PAPOLA: variants seen among roughly 807,000 people sequenced by gnomAD.
PAPOLA encodes polynucleotide adenylyltransferase alpha.
A neutral mutation model predicts 100.6 loss-of-function variants in PAPOLA; 15 were observed. That is an observed-to-expected ratio of 0.15 (90% CI 0.10 to 0.23). The LOEUF (loss-of-function observed/expected upper bound fraction) is 0.23. Ranked by LOEUF, PAPOLA falls within the 10% of genes least tolerant of loss-of-function variation. The probability of loss-of-function intolerance (pLI) is 1.00; values close to 1 mark genes in which losing one functional copy is unlikely to be tolerated. For synonymous variants in PAPOLA, 293 were observed against 300.0 expected, an observed-to-expected ratio of 0.98 and a Z score of 0.24; for missense variants, 533 against 884.2, an observed-to-expected ratio of 0.60 and a Z score of 5.04.
At chr14:96,504,178 T>C (rs1480416723) in intron 1 of PAPOLA, 1 of 152,216 alleles carries the variant, frequency 6.6e-6, no homozygotes, top group Admixed American at 6.5e-5. Context: ...TTTGCTGTCT[T>C]TGAAAAGGGA....
At position 96,542,570 on chromosome 14, in the gene PAPOLA, G is replaced by T. The variant is rs74086716; in HGVS notation, c.1170-204G>T. The stretch of plus-strand genomic sequence containing the variant: ...TTGTTTTTCTTAAAATTTTTGTGTG[G>T]ATAACTTTTGTAACCTTGCTGGTGT... On this transcript the variant is annotated intron_variant, in intron 13 of 21. Coordinates refer to ENST00000216277, the MANE Select transcript of PAPOLA (RefSeq NM_032632.5). 5.4e-6 allele frequency: 3 copies of T among 559,692 alleles called. No homozygotes were observed. In the African/African-American group the frequency reaches 5.9e-5, roughly 11 times the overall value. 34.7% of individuals were successfully genotyped at this position (559,692 alleles called of 1,614,324 possible). A position where few individuals can be genotyped will look rare whatever the true frequency, so the allele number is the denominator to read the frequency against.
In PAPOLA at chr14:96,502,558, G is replaced by C. The variant is rs1490927097; in HGVS notation, c.-35G>C. The C allele has an allele frequency of 6.5e-7, 1 of 1,535,014 alleles. No homozygotes were observed. On this transcript the variant is annotated 5_prime_UTR_variant, in exon 1 of 22. Transcript: ENST00000216277. ...GGGCGGCAGCGGCGGCGGTTGCGGGGGGGAAGTGACTGGGCGGTGCCGGCG... is the reference window on the plus strand; with the variant it reads ...GGGCGGCAGCGGCGGCGGTTGCGGGCGGGAAGTGACTGGGCGGTGCCGGCG...
In PAPOLA at chr14:96,502,504, C is replaced by G. The variant is rs748441210; in HGVS notation, c.-89C>G. ...ACCCAGGGCTGAGGCAGGCCCCCCC[C>G]TCCCTCCCGCCTCAGTGGATCATGC... On this transcript the variant is annotated 5_prime_UTR_variant, in exon 1 of 22. Coordinates refer to ENST00000216277, the MANE Select transcript of PAPOLA (RefSeq NM_032632.5). The G allele has an allele frequency of 1.6e-5, 17 of 1,062,614 alleles. No homozygotes were observed. Among genetic ancestry groups the G allele is most frequent in the African/African-American group, 1.3e-4 (8 of 62,024 alleles). 65.8% of individuals were successfully genotyped at this position (1,062,614 alleles called of 1,614,324 possible).
intron 6 of PAPOLA, among the ~76,000 whole-genome samples, chr14:96,528,497 G>A (rs147583133): frequency 1.2e-4 from 19 of 152,284 alleles, no homozygotes; most frequent in African/African-American, 4.1e-4. Context: ...TGAGAATAAA[G>A]TTGACAGTGA....
In PAPOLA at chr14:96,502,453, C is replaced by A; in HGVS notation, c.-140C>A. On this transcript the variant is annotated 5_prime_UTR_variant, in exon 1 of 22. Transcript: ENST00000216277. ...GAAGGAGGAGAAGCGCTTAAAGCGG[C>A]GGGAGCGGTGCGGGAGAGGGGTTGG... The A allele has an allele frequency of 1.4e-6, 1 of 711,760 alleles. No individual in the cohort carries two copies. Among genetic ancestry groups the A allele is most frequent in the Non-Finnish European group, 2.5e-6 (1 of 399,096 alleles). The allele number at this position is 711,760 out of a possible 1,614,324, so 44.1% of individuals were successfully genotyped here.
chr14:96,537,975 C>T (rs1047382507), intron 12 of PAPOLA: 2 of 151,856 alleles, frequency 1.3e-5, no homozygotes, highest in African/African-American at 4.8e-5. Flanking sequence ...ATTGTGTTCT[C>T]GAAGCACTAC....
chr14:96,547,892 A>T lies in PAPOLA; in HGVS notation c.1495A>T (p.Asn499Tyr), dbSNP rs755302250. The stretch of plus-strand genomic sequence containing the variant: ...AAAGCAACTCCATCAACTACTACCT[A>T]ATCATGTGCTTCAGAAAAAGAAAAA... ...KRKQLHQLLP[N>Y]HVLQKKKKHS... The change falls in exon 16 of 22, where the codon AAT (asparagine) becomes TAT (tyrosine). Residue 499 changes from asparagine (N) to tyrosine (Y), a missense_variant. Physicochemically the swap from Asn to Tyr is moderately radical, Grantham distance 143. This residue lies in a region of PAPOLA where 18 missense variants were observed against 74.9 expected (regional missense o/e 0.24). Coordinates refer to ENST00000216277, the MANE Select transcript of PAPOLA (RefSeq NM_032632.5). 1 of 1,601,332 alleles carries T rather than the reference A, an allele frequency of 6.2e-7. No individual in the cohort carries two copies. The highest frequency in any genetic ancestry group is 1.3e-5 in the African/African-American group (1 of 74,110).
chr14:96,503,991 C>G (rs757800719), intron 1 of PAPOLA, among the ~76,000 whole-genome samples: 5 of 152,164 alleles, frequency 3.3e-5, no homozygotes, highest in Non-Finnish European at 7.3e-5. Context: ...ACTTAACTAA[C>G]TATACAGGTC....
intron 15 of PAPOLA, among the ~76,000 whole-genome samples, chr14:96,545,255 T>C (rs538805237): frequency 6.6e-6 from 1 of 152,024 alleles, no homozygotes; most frequent in Non-Finnish European, 1.5e-5. Flanking sequence ...AACTGTGATA[T>C]AAAGGAGAAA....
intron 9 of PAPOLA, 71 bp downstream of exon 9, chr14:96,532,720 T>C (rs1175081272): frequency 6.8e-7 from 1 of 1,465,018 alleles, no homozygotes; most frequent in Non-Finnish European, 9.0e-7. Context: ...TCTATGACAT[T>C]TCTCAGCTTG....
intron 1 of PAPOLA, among the ~76,000 whole-genome samples, chr14:96,518,640 G>A (rs1044057277): frequency 2.6e-5 from 4 of 151,886 alleles, no homozygotes; most frequent in Non-Finnish European, 4.4e-5. Flanking sequence ...CTCGTGATCC[G>A]CCCACCTCGG....
At chr14:96,541,754 G>GT (rs1439317246) in intron 12 of PAPOLA, among the ~76,000 whole-genome samples, 11 of 151,890 alleles carry the variant, frequency 7.2e-5, no homozygotes, top group African/African-American at 2.4e-4. Flanking sequence ...GCAGTATTCA[G>GT]TTTAATTTTC....
Position 96,510,476 on chromosome 14 carries a change from C to T in PAPOLA, c.8+7876C>T, listed in dbSNP as rs578165015. ...ATATGAGAGAGAGGGACACAACACACACGCGCGCGTGCGCTTGTGCGCAAA... is the reference window on the plus strand; with the variant it reads ...ATATGAGAGAGAGGGACACAACACATACGCGCGCGTGCGCTTGTGCGCAAA... On this transcript the variant is annotated intron_variant, in intron 1 of 21. Transcript: ENST00000216277. Among the ~76,000 whole-genome samples, 19 of 150,392 alleles carry T rather than the reference C, an allele frequency of 1.3e-4. No individual in the cohort carries two copies. The South Asian group carries it at 3.8e-3, about 30-fold the overall frequency.
intron 1 of PAPOLA, among the ~76,000 whole-genome samples, chr14:96,505,490 CAGT>C (rs1453608473): frequency 2.0e-5 from 3 of 152,164 alleles, no homozygotes; most frequent in Non-Finnish European, 4.4e-5. Context: ...TAACCAGTAT[CAGT>C]AGCATTTATG....
chr14:96,562,909 A>C lies in PAPOLA; in HGVS notation c.2142+16A>C, dbSNP rs757163024. 6.5e-7 allele frequency: 1 copy of C among 1,539,482 alleles called. No homozygotes were observed. On this transcript the variant is annotated intron_variant, in intron 21 of 21. Transcript: ENST00000216277. The stretch of plus-strand genomic sequence containing the variant: ...GGCCTCTCAGGTACTAAGTGCAAAA[A>C]GCAAGGAGAATTTTGTAAATGTCCT...
In PAPOLA at chr14:96,560,630, C is replaced by CTTT; in HGVS notation, c.2005-11_2005-9dup. 1.4e-6 allele frequency: 2 copies of CTTT among 1,428,936 alleles called. No individual in the cohort carries two copies. Among genetic ancestry groups the CTTT allele is most frequent in the Non-Finnish European group, 1.9e-6 (2 of 1,039,474 alleles). 88.5% of individuals were successfully genotyped at this position (1,428,936 alleles called of 1,614,324 possible). ...AAATTTTTCATTTTAGAGAATAAAG[C>CTTT]TTTTTTTTTTAAAAACAGGATGAAA... On this transcript the variant is annotated intron_variant, in intron 19 of 21. Transcript: ENST00000216277.
chr14:96,565,304 A>G lies in PAPOLA; in HGVS notation c.*254A>G, dbSNP rs1302108230. ...AAAATTACTGCCTTTAAAAAAAACA[A>G]CCTCAAGCTATATTTGTATTCATAA... On this transcript the variant is annotated 3_prime_UTR_variant, in exon 22 of 22. Transcript: ENST00000216277. The G allele has an allele frequency of 2.6e-5, 10 of 387,736 alleles. No homozygotes were observed. The highest frequency in any genetic ancestry group is 4.2e-5 in the Non-Finnish European group (9 of 213,806). 24.0% of individuals were successfully genotyped at this position (387,736 alleles called of 1,614,324 possible).
At position 96,518,316 on chromosome 14, in the gene PAPOLA, G is replaced by A. The variant is rs571512277; in HGVS notation, c.9-1739G>A. ...AGACAAATTACAGAACAGTCTAGCC[G>A]TTGGAGTATAGACCAGAACCCAGTG... On this transcript the variant is annotated intron_variant, in intron 1 of 21. Coordinates refer to ENST00000216277, the MANE Select transcript of PAPOLA (RefSeq NM_032632.5). Among the ~76,000 whole-genome samples the A allele has an allele frequency of 1.4e-4, 22 of 152,260 alleles. 1 individual carries two copies. In the East Asian group the frequency reaches 2.5e-3, roughly 17 times the overall value.
chr14:96,553,892 T>G (rs1901068819), intron 17 of PAPOLA, among the ~76,000 whole-genome samples: 1 of 152,098 alleles, frequency 6.6e-6, no homozygotes. Context: ...AATGCTGAGG[T>G]GTTGTGGATG....
Sources: gnomAD v4.1 joint callset for allele counts (sites outside exome capture counted in the v4.1 genomes callset) on GRCh38, gnomAD v4.1.1 for gene constraint, gnomAD v4.1.1 regional missense constraint, MANE v1.5 for transcripts, NCBI Gene and HGNC (gene_info 2026-07-23, HGNC 2026-07-21) for gene names.